MYO10: variants seen among roughly 807,000 people sequenced by gnomAD.
MYO10 encodes myosin X, also known as unconventional myosin-X.
A neutral mutation model predicts 257.3 loss-of-function variants in MYO10; 133 were observed. The observed-to-expected ratio is 0.52, with a 90% confidence interval of 0.45 to 0.60. The LOEUF (loss-of-function observed/expected upper bound fraction) is 0.60, where lower values mean the gene tolerates loss of function less well. Ranked by LOEUF, MYO10 falls within the 20% of genes least tolerant of loss-of-function variation. MYO10 has a pLI of 0.00. For synonymous variants in MYO10, 1,104 were observed against 1,028.6 expected (o/e 1.07, Z -1.40); for missense variants, 2,399 against 2,635.7 (o/e 0.91, Z 1.97).
intron 19 of MYO10, among the ~76,000 whole-genome samples, chr5:16,716,799 A>G (rs1738894599): frequency 1.3e-5 from 2 of 152,080 alleles, no homozygotes; most frequent in South Asian, 4.2e-4. Flanking sequence ...CGAGACTGGA[A>G]ATTAGGAAGG....
chr5:16,934,610 A>T (rs1210858023), intron 1 of MYO10, among the ~76,000 whole-genome samples: 1 of 152,246 alleles, frequency 6.6e-6, no homozygotes, highest in African/African-American at 2.4e-5. Context: ...AAAAATATGT[A>T]TTGATGGATA....
At chr5:16,926,659 G>A (rs1202473269) in intron 1 of MYO10, among the ~76,000 whole-genome samples, 1 of 150,894 alleles carries the variant, frequency 6.6e-6, no homozygotes, top group Non-Finnish European at 1.5e-5. Flanking sequence ...CCAAAATTGC[G>A]CCACTACACT....
intron 3 of MYO10, among the ~76,000 whole-genome samples, chr5:16,816,883 G>A (rs577187803): frequency 5.2e-4 from 78 of 150,178 alleles, no homozygotes; most frequent in East Asian, 1.8e-3. Context: ...GCAGTGGCGC[G>A]ATCTTGGCTC....
chr5:16,931,464 G>C (rs567028654), intron 1 of MYO10, among the ~76,000 whole-genome samples: 1 of 152,166 alleles, frequency 6.6e-6, no homozygotes, highest in East Asian at 1.9e-4. Flanking sequence ...GCCCATGCCA[G>C]CTTGTTCCTG....
chr5:16,835,164 G>A (rs1580054741), intron 2 of MYO10, among the ~76,000 whole-genome samples: 3 of 152,242 alleles, frequency 2.0e-5, no homozygotes, highest in African/African-American at 4.8e-5. Context: ...GCGACAGAGT[G>A]AGACTGTCTC....
At chr5:16,834,172 A>C (rs1743244030) in intron 2 of MYO10, among the ~76,000 whole-genome samples, 1 of 151,614 alleles carries the variant, frequency 6.6e-6, no homozygotes, top group African/African-American at 2.4e-5. Flanking sequence ...GAGTTTCCCC[A>C]CCACATCTAG....
chr5:16,784,272 C>T (rs1186920344), intron 4 of MYO10, among the ~76,000 whole-genome samples: 1 of 152,176 alleles, frequency 6.6e-6, no homozygotes, highest in Non-Finnish European at 1.5e-5. Context: ...AGACGAAAGG[C>T]GGCAGAGAAG....
At chr5:16,903,823 A>C (rs755421818) in intron 1 of MYO10, among the ~76,000 whole-genome samples, 4 of 152,216 alleles carry the variant, frequency 2.6e-5, no homozygotes, top group Non-Finnish European at 5.9e-5. Context: ...CATAAAATAC[A>C]AAGGGAGATT....
At chr5:16,678,651 T>C (rs26755) in intron 33 of MYO10, among the ~76,000 whole-genome samples, 9,664 of 152,264 alleles carry the variant, frequency 0.063, 1,019 homozygotes, top group African/African-American at 0.22. Context: ...CCAGAGAACA[T>C]ACCACTTTGG....
At chr5:16,895,727 G>A (rs1249972674) in intron 1 of MYO10, among the ~76,000 whole-genome samples, 6 of 142,374 alleles carry the variant, frequency 4.2e-5, no homozygotes, top group Non-Finnish European at 9.2e-5. Context: ...TGGCCATGAT[G>A]TAAGCCGCCC....
At chr5:16,671,117 C>T (rs1736438459) in intron 38 of MYO10, 139 bp from the exon 39 acceptor site, 1 of 840,920 alleles carries the variant, frequency 1.2e-6, no homozygotes, top group Non-Finnish European at 1.8e-6. Flanking sequence ...TGTACCCTCA[C>T]CCCTGGCTCA....
chr5:16,824,285 G>A (rs946620946), intron 2 of MYO10, among the ~76,000 whole-genome samples: 1 of 152,042 alleles, frequency 6.6e-6, no homozygotes, highest in Admixed American at 6.6e-5. Flanking sequence ...TAGAGTAGAG[G>A]TTCTCAATCT....
At chr5:16,935,551 G>C (rs1349867015) in intron 1 of MYO10, among the ~76,000 whole-genome samples, 1 of 152,042 alleles carries the variant, frequency 6.6e-6, no homozygotes, top group Non-Finnish European at 1.5e-5. Flanking sequence ...CCACGCAAAC[G>C]GAAACGCACC....
chr5:16,781,896 C>T, intron 5 of MYO10, 67 bp from the exon 6 acceptor site: 4 of 1,541,658 alleles, frequency 2.6e-6, no homozygotes, highest in Non-Finnish European at 3.5e-6. Context: ...AATAGCACTT[C>T]TCACAAATGT....
At chr5:16,673,130 A>G (rs1360938316) in intron 36 of MYO10, among the ~76,000 whole-genome samples, 2 of 151,084 alleles carry the variant, frequency 1.3e-5, no homozygotes, top group Admixed American at 1.3e-4. Context: ...GAAAAGCTTC[A>G]GTCCTGTCTT....
chr5:16,799,496 C>CTT (rs10714513), intron 3 of MYO10, among the ~76,000 whole-genome samples: 5 of 146,972 alleles, frequency 3.4e-5, no homozygotes, highest in Non-Finnish European at 7.5e-5. Context: ...AAGAGAAATA[C>CTT]TTTTTTTTTT....
At chr5:16,886,482 C>T (rs145818179) in intron 1 of MYO10, among the ~76,000 whole-genome samples, 4 of 152,296 alleles carry the variant, frequency 2.6e-5, no homozygotes, top group South Asian at 2.1e-4. Context: ...TTCTCAAAGG[C>T]GCTGCCAGAA....
At chr5:16,762,466 G>T in intron 15 of MYO10, 79 bp downstream of exon 15, 1 of 1,140,730 alleles carries the variant, frequency 8.8e-7, no homozygotes, top group Non-Finnish European at 1.3e-6. Flanking sequence ...TGGGCCAGCG[G>T]ACTGACATGT....
At chr5:16,853,784 C>T (rs77415427) in intron 2 of MYO10, among the ~76,000 whole-genome samples, 2 of 152,168 alleles carry the variant, frequency 1.3e-5, no homozygotes, top group Non-Finnish European at 2.9e-5. Context: ...GAGAGAAGAG[C>T]GGGTCCACAC....
Sources: allele counts gnomAD v4.1 joint callset (sites outside exome capture counted in the v4.1 genomes callset), GRCh38; gene constraint gnomAD v4.1.1; transcripts MANE v1.5; gene names NCBI Gene and HGNC (gene_info 2026-07-23, HGNC 2026-07-21).